The following MYOM1 variants were observed in gnomAD, a reference collection of about 807,000 sequenced individuals.
MYOM1 encodes myomesin 1.
MYOM1 carries 164 observed loss-of-function variants against 205.3 expected under a neutral mutation model. The ratio of observed to expected loss-of-function variants is 0.80; its 90% CI spans 0.70 to 0.91. The LOEUF is 0.91. Among genes scored for constraint, MYOM1 ranks in the 40% least tolerant of loss-of-function variants. The pLI, the probability that MYOM1 is intolerant of heterozygous loss-of-function variation, is 0.00. For missense variants in MYOM1, 2,011 were observed against 2,127.3 expected (o/e 0.95, Z 1.08); for synonymous variants, 772 against 789.4 (o/e 0.98, Z 0.37).
the MYOM1 span, among the ~76,000 whole-genome samples, chr18:3,227,799 G>A: frequency 5.3e-5 from 8 of 151,996 alleles, no homozygotes; most frequent in Non-Finnish European, 1.2e-4. Flanking sequence ...CCAGGGGGCC[G>A]TACGAGACTC....
chr18:3,074,984 G>A (rs781613064), intron 36 of MYOM1, among the ~76,000 whole-genome samples: 1 of 152,078 alleles, frequency 6.6e-6, no homozygotes, highest in African/African-American at 2.4e-5. Context: ...TAGTAGAGAC[G>A]GGGTTTTGCC....
At chr18:3,163,258 G>A (rs1190895252) in intron 10 of MYOM1, among the ~76,000 whole-genome samples, 1 of 152,116 alleles carries the variant, frequency 6.6e-6, no homozygotes, top group East Asian at 1.9e-4. Context: ...TCCCTCTTTT[G>A]CAGCAGCTTC....
At chr18:3,148,349 C>T (rs770555152) in intron 13 of MYOM1, among the ~76,000 whole-genome samples, 4 of 152,086 alleles carry the variant, frequency 2.6e-5, no homozygotes, top group Non-Finnish European at 5.9e-5. Flanking sequence ...CACACACCAA[C>T]GTAGATAAGT....
intron 8 of MYOM1, among the ~76,000 whole-genome samples, chr18:3,173,097 T>C (rs1444981311): frequency 6.6e-6 from 1 of 152,240 alleles, no homozygotes; most frequent in Non-Finnish European, 1.5e-5. Context: ...TTTTTTAGTC[T>C]GACCACTGTA....
the MYOM1 span, chr18:3,246,626 T>C: frequency 6.6e-6 from 1 of 152,146 alleles, no homozygotes; most frequent in African/African-American, 2.4e-5. Flanking sequence ...TACGAATACT[T>C]AGAAGATACT....
chr18:3,091,419 C>T (rs893629193), intron 26 of MYOM1, among the ~76,000 whole-genome samples: 3 of 151,390 alleles, frequency 2.0e-5, no homozygotes, highest in African/African-American at 7.3e-5. Flanking sequence ...GTCAAGGCTA[C>T]AGTGAGCCAT....
chr18:3,174,325 G>C, intron 6 of MYOM1, 117 bp from the exon 7 acceptor site: 1 of 809,308 alleles, frequency 1.2e-6, no homozygotes, highest in East Asian at 2.5e-5. Context: ...GCTAACACAT[G>C]GCTCTTTGGT....
In MYOM1 at chr18:3,131,493, G is replaced by A. The variant is rs2143890153; in HGVS notation, c.2388C>T (p.Phe796=). 2 of 1,609,962 alleles carry A rather than the reference G, an allele frequency of 1.2e-6. No homozygotes were observed. The highest frequency in any genetic ancestry group is 1.7e-6 in the Non-Finnish European group (2 of 1,178,664). The change falls in exon 17 of 38, where the codon TTC becomes TTT. Residue 796 remains phenylalanine, a synonymous_variant. Transcript: ENST00000356443. ...GACCAGTCACTAATCCATGACAAGTGAATCTAAAAGGAAAACAAGTTTTAA... is the reference window on the plus strand; with the variant it reads ...GACCAGTCACTAATCCATGACAAGTAAATCTAAAAGGAAAACAAGTTTTAA... ...CNNNPVKGSR[F]TCHGLVTGQS...
chr18:3,154,888 A>C, intron 11 of MYOM1, 59 bp downstream of exon 11: 1 of 1,543,878 alleles, frequency 6.5e-7, no homozygotes, highest in South Asian at 1.2e-5. Context: ...TGATGGGAGA[A>C]ATCAAGCACG....
chr18:3,192,661 T>C (rs1426304776), intron 3 of MYOM1, among the ~76,000 whole-genome samples: 41 of 152,222 alleles, frequency 2.7e-4, no homozygotes, highest in Admixed American at 6.5e-5. Flanking sequence ...AAATAGGAGA[T>C]GAACCAGAAA....
intron 10 of MYOM1, among the ~76,000 whole-genome samples, chr18:3,162,160 A>T (rs2080400521): frequency 6.6e-6 from 1 of 152,178 alleles, no homozygotes; most frequent in African/African-American, 2.4e-5. Flanking sequence ...TTAACATCTT[A>T]GACACCATTC....
At chr18:3,094,991 T>C (rs568967873) in intron 25 of MYOM1, among the ~76,000 whole-genome samples, 38 of 152,276 alleles carry the variant, frequency 2.5e-4, no homozygotes, top group African/African-American at 8.9e-4. Flanking sequence ...AGAAGCTTCC[T>C]AAACTTATGT....
At chr18:3,147,288 A>G (rs2080143107) in intron 13 of MYOM1, among the ~76,000 whole-genome samples, 1 of 151,526 alleles carries the variant, frequency 6.6e-6, no homozygotes, top group Admixed American at 6.6e-5. Context: ...TTGATAAAAG[A>G]GGAGCAAACG....
the MYOM1 span, among the ~76,000 whole-genome samples, chr18:3,241,517 T>C: frequency 5.3e-4 from 81 of 152,136 alleles, no homozygotes; most frequent in African/African-American, 1.9e-3. Context: ...ATTTCAGAGG[T>C]TGTATGGAAA....
At chr18:3,127,359 A>G (rs1460213186) in intron 18 of MYOM1, among the ~76,000 whole-genome samples, 1 of 122,472 alleles carries the variant, frequency 8.2e-6, no homozygotes. Flanking sequence ...CCCAGGCTTG[A>G]GTGCAATGGC....
chr18:3,192,897 A>G (rs1245816275), intron 3 of MYOM1, among the ~76,000 whole-genome samples: 4 of 152,054 alleles, frequency 2.6e-5, no homozygotes, highest in Admixed American at 2.0e-4. Flanking sequence ...TTTTCCCCCA[A>G]TGAATAATAA....
intron 22 of MYOM1, among the ~76,000 whole-genome samples, chr18:3,105,294 A>G (rs555598046): frequency 6.6e-6 from 1 of 152,312 alleles, no homozygotes; most frequent in African/African-American, 2.4e-5. Flanking sequence ...ACTGTGTATT[A>G]AATAAAGGTG....
Position 3,198,612 on chromosome 18 carries a change from C to T in MYOM1, c.291-4654G>A, listed in dbSNP as rs572696369. ...CAGCCTGGCCAAGATGGTGAAACCC[C>T]GTCTCTACTAAAAATACAAAACTTA... On this transcript the variant is annotated intron_variant, in intron 2 of 37. Transcript: ENST00000356443. 7.9e-5 allele frequency among the ~76,000 whole-genome samples: 12 copies of T among 151,970 alleles called. No individual in the cohort carries two copies. In the East Asian group the frequency reaches 1.7e-3, roughly 22 times the overall value.
At chr18:3,232,474 G>C in the MYOM1 span, among the ~76,000 whole-genome samples, 1 of 152,198 alleles carries the variant, frequency 6.6e-6, no homozygotes, top group South Asian at 2.1e-4. Flanking sequence ...GAAGACTTGG[G>C]AGCAATGGGT....
Sources: allele counts gnomAD v4.1 joint callset (sites outside exome capture counted in the v4.1 genomes callset), GRCh38; gene constraint gnomAD v4.1.1; transcripts MANE v1.5; gene names NCBI Gene and HGNC (gene_info 2026-07-23, HGNC 2026-07-21).